KCNC3: variants seen among roughly 807,000 people sequenced by gnomAD.
The protein encoded by KCNC3 is potassium voltage-gated channel subfamily C member 3.
In KCNC3, 22 loss-of-function variants were observed where a neutral mutation model predicts 43.9. The observed-to-expected ratio is 0.50, with a 90% CI of 0.36 to 0.72. The LOEUF (loss-of-function observed/expected upper bound fraction) is 0.72. Among genes scored for constraint, KCNC3 ranks in the 30% least tolerant of loss-of-function variants. The pLI is 0.00. For synonymous variants in KCNC3, 492 were observed against 488.0 expected (o/e 1.01, Z -0.11); for missense variants, 829 against 1,073.8 (o/e 0.77, Z 3.19).
Position 50,323,051 on chromosome 19 carries a change from C to T in KCNC3, c.1902G>A (p.Met634Ile). The change falls in exon 2 of 5, where the codon ATG becomes ATA. Residue 634 changes from methionine to isoleucine, a missense_variant. Transcript: ENST00000477616. The stretch of plus-strand genomic sequence containing the variant: ...CGGGGGCTGGCAGAGGAGGCAGCCC[C>T]ATGATCCCCAGCCCACCCGCTCCCC... ...LRGGAGGLGI[M>I]GLPPLPAPGE... 2 of 1,542,292 alleles carry T rather than the reference C, an allele frequency of 1.3e-6. No homozygotes were observed. The highest frequency in any genetic ancestry group is 1.7e-6 in the Non-Finnish European group (2 of 1,144,006).
In KCNC3 at chr19:50,328,224, G is replaced by A. The variant is rs1024586536; in HGVS notation, c.859C>T (p.Arg287Trp). 1 of 1,195,206 alleles carries A rather than the reference G, an allele frequency of 8.4e-7. No individual in the cohort carries two copies. The highest frequency in any genetic ancestry group is 3.4e-5 in the East Asian group (1 of 29,110). The allele number at this position is 1,195,206 out of a possible 1,614,324, so 74.0% of individuals were successfully genotyped here. Residue 287 changes from arginine to tryptophan, a missense_variant, in exon 1 of 5, where the codon CGG (arginine) becomes TGG (tryptophan). Physicochemically the swap from Arg to Trp is moderately radical, Grantham distance 101. Around this residue, in one of 7 missense-constraint regions of KCNC3, gnomAD observed 157 missense variants for 293.5 expected, o/e 0.53. Transcript: ENST00000477616. ...WALFEDPYSS[R>W]AARYVAFASL... The stretch of plus-strand genomic sequence containing the variant: ...GAGAGCGCGCTCACCCTGGCAGCCC[G>A]CGACGAGTAGGGGTCCTCGAAGAGC...
At chr19:50,320,448 G>A in intron 3 of KCNC3, 99 bp from the exon 4 acceptor site, 1 of 713,076 alleles carries the variant, frequency 1.4e-6, no homozygotes, top group East Asian at 2.7e-5. Context: ...GGGGGTACAG[G>A]GAAGATCTGG....
Position 50,323,006 on chromosome 19 carries a change from A to G in KCNC3, c.1947T>C (p.Ala649=). 1 of 1,549,542 alleles carries G rather than the reference A, an allele frequency of 6.5e-7. No individual in the cohort carries two copies. The highest frequency in any genetic ancestry group is 8.7e-7 in the Non-Finnish European group (1 of 1,147,068). The change falls in exon 2 of 5, where the codon GCT becomes GCC. Residue 649 remains alanine, a synonymous_variant. Coordinates refer to ENST00000477616, the MANE Select transcript of KCNC3 (RefSeq NM_004977.3). Reference sequence around the variant, plus strand: ...GGTTGATCTCAATCACCTCCTCCTGAGCCAACGGGCAAGGCTCGCCGGGGG... The same window carrying G: ...GGTTGATCTCAATCACCTCCTCCTGGGCCAACGGGCAAGGCTCGCCGGGGG... The part of the protein sequence containing the change: ...LPAPGEPCPL[A]QEEVIEINRA...
Position 50,328,702 on chromosome 19 carries a change from G to T in KCNC3, c.381C>A (p.Asp127Glu). Residue 127 changes from aspartate to glutamate, a missense_variant, in exon 1 of 5, where the codon GAC becomes GAA. Asp to Glu is a conservative substitution (Grantham distance 45, BLOSUM62 2). This residue lies in a region of KCNC3 where 121 missense variants were observed against 247.4 expected (regional missense o/e 0.49). Coordinates refer to ENST00000477616, the MANE Select transcript of KCNC3 (RefSeq NM_004977.3). ...AGAACTCGTCGGCGCCCGGGTCGTA[G>T]TCGAAGCGTGCCGCCGCCTCGGGCT... ...LTEPEAAARF[D>E]YDPGADEFFF... 1 of 1,601,970 alleles carries T rather than the reference G, an allele frequency of 6.2e-7. No homozygotes were observed. Among genetic ancestry groups the T allele is most frequent in the Non-Finnish European group, 8.5e-7 (1 of 1,175,234 alleles).
chr19:50,323,953 G>T lies in KCNC3; in HGVS notation c.1000C>A (p.Pro334Thr). The change falls in exon 2 of 5, where the codon CCG becomes ACG. Residue 334 changes from proline (P) to threonine (T), a missense_variant. Coordinates refer to ENST00000477616, the MANE Select transcript of KCNC3 (RefSeq NM_004977.3). ...TQASPIPGAPPENITNVEVET... is the reference protein window; with the variant it reads ...TQASPIPGAPTENITNVEVET... The stretch of plus-strand genomic sequence containing the variant: ...ACCTCCACGTTGGTGATGTTCTCCG[G>T]AGGTGCCCCGGGGATCGGGGAGGCC... 1 of 1,613,898 alleles carries T rather than the reference G, an allele frequency of 6.2e-7. No homozygotes were observed. The highest frequency in any genetic ancestry group is 1.1e-5 in the South Asian group (1 of 91,084).
chr19:50,328,564 G>A lies in KCNC3; in HGVS notation c.519C>T (p.Phe173=). ...CCACGTCGGTCTCGTCGATGCCCCA[G>A]AAGCCGAGCTCCTCCTCAAACAGGG... The part of the protein sequence containing the change: ...CGPLFEEELG[F]WGIDETDVEA... Residue 173 remains phenylalanine (F), a synonymous_variant, in exon 1 of 5, where the codon TTC becomes TTT. Transcript: ENST00000477616. 6.2e-7 allele frequency: 1 copy of A among 1,610,992 alleles called. No individual in the cohort carries two copies. Among genetic ancestry groups the A allele is most frequent in the South Asian group, 1.1e-5 (1 of 90,990 alleles).
Position 50,329,108 on chromosome 19 carries a change from CGGGGACGCA to C in KCNC3, c.-35_-27del. On this transcript the variant is annotated 5_prime_UTR_variant, in exon 1 of 5. Coordinates refer to ENST00000477616, the MANE Select transcript of KCNC3 (RefSeq NM_004977.3). ...TGGACGGGGGGCGGGGCGGGAGGGGCGGGGACGCAGGGGCGGGGACACGGGGGGAGAGAC... is the reference window on the plus strand; with the variant it reads ...TGGACGGGGGGCGGGGCGGGAGGGGCGGGGCGGGGACACGGGGGGAGAGAC... 1 of 36,906 alleles carries C rather than the reference CGGGGACGCA, an allele frequency of 2.7e-5. No homozygotes were observed. 2.3% of individuals were successfully genotyped at this position (36,906 alleles called of 1,614,324 possible). A position where few individuals can be genotyped will look rare whatever the true frequency, so the allele number is the denominator to read the frequency against.
At chr19:50,317,847 G>A (rs2036976693) in intron 4 of KCNC3, among the ~76,000 whole-genome samples, 1 of 152,144 alleles carries the variant, frequency 6.6e-6, no homozygotes, top group Non-Finnish European at 1.5e-5. Context: ...CCCCAGGCTG[G>A]AGCACCATGG....
At chr19:50,331,042 C>T (rs931187088), upstream of KCNC3, among the ~76,000 whole-genome samples, 5 of 152,060 alleles carry the variant, frequency 3.3e-5, no homozygotes, top group African/African-American at 1.2e-4. Context: ...TTCGTATCGC[C>T]TCCCAACCCC....
chr19:50,322,161 C>T (rs1006309481), intron 2 of KCNC3, among the ~76,000 whole-genome samples: 9 of 151,816 alleles, frequency 5.9e-5, no homozygotes, highest in African/African-American at 2.2e-4. Flanking sequence ...CAGGGGGGGG[C>T]CACCAGCCTC....
In KCNC3 at chr19:50,315,410, G is replaced by A. The variant is rs2123515049; in HGVS notation, c.*705C>T. ...CTGGTCCCCTCACCTGAGGCAAAAG[G>A]TGGGGGGCAGCAAGGCGGGATGGTG... is the stretch of plus-strand genomic sequence containing the variant. On this transcript the variant is annotated 3_prime_UTR_variant, in exon 5 of 5. Transcript: ENST00000477616. 6.6e-6 allele frequency: 1 copy of A among 152,290 alleles called. No homozygotes were observed. Among genetic ancestry groups the A allele is most frequent in the East Asian group, 1.9e-4 (1 of 5,156 alleles). The allele number at this position is 152,290 out of a possible 1,614,324, so 9.4% of individuals were successfully genotyped here.
chr19:50,324,568 G>C lies in KCNC3; in HGVS notation c.871-486C>G, dbSNP rs111273613. 1.3e-3 allele frequency among the ~76,000 whole-genome samples: 192 copies of C among 152,322 alleles called. 5 individuals are homozygous for C. Among genetic ancestry groups the C allele is most frequent in the African/African-American group, 4.5e-3 (187 of 41,572 alleles). ...AGAAGGCGGGCAGGGAGGCAGAATC[G>C]TGAGGTGGTTAAGAGTCGGCGAGCC... is the stretch of plus-strand genomic sequence containing the variant. On this transcript the variant is annotated intron_variant, in intron 1 of 4. Transcript: ENST00000477616. This position sits in a 1 kb window ranked among gnomAD's most constrained non-coding sequence, Gnocchi z 4.1.
Position 50,323,648 on chromosome 19 carries a change from G to A in KCNC3, c.1305C>T (p.Arg435=), listed in dbSNP as rs373192149. The change falls in exon 2 of 5, where the codon CGC becomes CGT. Residue 435 remains arginine (R), a synonymous_variant. Transcript: ENST00000477616. Reference sequence around the variant, plus strand: ...TGGCGCGGAGCGTGTGTCCCAGCACGCGCAGCCCCACGAAGTGCCGGGTCA... The same window carrying A: ...TGGCGCGGAGCGTGTGTCCCAGCACACGCAGCCCCACGAAGTGCCGGGTCA... ...FKLTRHFVGL[R]VLGHTLRAST... The A allele has an allele frequency of 4.3e-5, 70 of 1,614,056 alleles. No individual in the cohort carries two copies. Among genetic ancestry groups the A allele is most frequent in the African/African-American group, 2.4e-4 (18 of 74,956 alleles).
Position 50,314,612 on chromosome 19 carries a change from A to T in KCNC3, c.*1503T>A. 4 of 330,446 alleles carry T rather than the reference A, an allele frequency of 1.2e-5. No individual in the cohort carries two copies. The highest frequency in any genetic ancestry group is 2.3e-5 in the Non-Finnish European group (4 of 172,964). The allele number at this position is 330,446 out of a possible 1,614,324, so 20.5% of individuals were successfully genotyped here. On this transcript the variant is annotated 3_prime_UTR_variant, in exon 5 of 5. Coordinates refer to ENST00000477616, the MANE Select transcript of KCNC3 (RefSeq NM_004977.3). Reference sequence around the variant, plus strand: ...ATGTCCTATGGCTCGTGGAGACCTGAGAAGGCTTTTTTTGGGGAGGGAAGA... The same window carrying T: ...ATGTCCTATGGCTCGTGGAGACCTGTGAAGGCTTTTTTTGGGGAGGGAAGA...
Position 50,323,535 on chromosome 19 carries a change from C to T in KCNC3, c.1418G>A (p.Gly473Asp). The change falls in exon 2 of 5, where the codon GGC (glycine) becomes GAC (aspartate). Residue 473 changes from glycine to aspartate, a missense_variant. This residue lies in a region of KCNC3 where 21 missense variants were observed against 21.0 expected (regional missense o/e 1.00). Coordinates refer to ENST00000477616, the MANE Select transcript of KCNC3 (RefSeq NM_004977.3). ...ATMIYYAERIGADPDDILGSN... is the reference protein window; with the variant it reads ...ATMIYYAERIDADPDDILGSN... ...GCCCAGGATGTCATCGGGGTCGGCG[C>T]CAATGCGCTCAGCGTAGTAAATCAT... 1 of 1,614,232 alleles carries T rather than the reference C, an allele frequency of 6.2e-7. No individual in the cohort carries two copies. The highest frequency in any genetic ancestry group is 8.5e-7 in the Non-Finnish European group (1 of 1,180,048).
rs2036933963 is a variant in KCNC3 at position 50,315,324 on chromosome 19, G to T, written c.*791C>A. Among the ~76,000 whole-genome samples, 1 of 151,896 alleles carries T rather than the reference G, an allele frequency of 6.6e-6. No individual in the cohort carries two copies. Among genetic ancestry groups the T allele is most frequent in the African/African-American group, 2.4e-5 (1 of 41,428 alleles). On this transcript the variant is annotated 3_prime_UTR_variant, in exon 5 of 5. Coordinates refer to ENST00000477616, the MANE Select transcript of KCNC3 (RefSeq NM_004977.3). ...AGACTCCGGATTAGGAGGCAGGTTG[G>T]TGCCCACCGAGCCTCCCCCGCCCCA...
intron 1 of KCNC3, among the ~76,000 whole-genome samples, chr19:50,327,848 G>C (rs2037124467): frequency 6.6e-6 from 1 of 151,800 alleles, no homozygotes; most frequent in Non-Finnish European, 1.5e-5. Context: ...GAGACATGAG[G>C]GTTGGGGAGG....
chr19:50,321,949 C>T (rs548579106), intron 2 of KCNC3, among the ~76,000 whole-genome samples: 2 of 151,852 alleles, frequency 1.3e-5, no homozygotes, highest in East Asian at 3.9e-4. Flanking sequence ...AGTGGCTGTT[C>T]AGGGAAGAGT....
chr19:50,320,848 G>A (rs2037024189), intron 2 of KCNC3, 64 bp from the exon 3 acceptor site: 1 of 1,500,332 alleles, frequency 6.7e-7, no homozygotes, highest in East Asian at 2.3e-5. Context: ...AACACGCGGT[G>A]GGGCAAGATG....
Sources: allele counts gnomAD v4.1 joint callset (sites outside exome capture counted in the v4.1 genomes callset), GRCh38; gene constraint gnomAD v4.1.1; regional missense constraint gnomAD v4.1.1; non-coding constraint Gnocchi (gnomAD v3.1); transcripts MANE v1.5; gene names NCBI Gene and HGNC (gene_info 2026-07-23, HGNC 2026-07-21).